HDAC9: variants seen among roughly 807,000 people sequenced by gnomAD.
The protein encoded by HDAC9 is MEF-2 interacting transcription repressor (MITR) protein.
HDAC9 carries 41 observed loss-of-function variants against 139.4 expected under a neutral mutation model. The observed-to-expected ratio is 0.29, with a 90% confidence interval of 0.23 to 0.38. The LOEUF (loss-of-function observed/expected upper bound fraction) is 0.38, where lower values mean the gene tolerates loss of function less well. HDAC9 is among the 10% of genes least tolerant of loss of function. The pLI, the probability that HDAC9 is intolerant of heterozygous loss-of-function variation, is 1.00. For synonymous variants in HDAC9, 517 were observed against 476.2 expected (o/e 1.09, Z -1.12); for missense variants, 1,147 against 1,297.0 (o/e 0.88, Z 1.78).
chr7:18,869,187 T>TGTGTGTGTGTGTGTGTGTG (rs1798724705), intron 21 of HDAC9, among the ~76,000 whole-genome samples: 3 of 136,784 alleles, frequency 2.2e-5, no homozygotes, highest in African/African-American at 8.0e-5. Context: ...TGTGTGTGTG[T>TGTGTGTGTGTGTGTGTGTG]TGCGGTAGGG....
At chr7:18,970,357 A>G (rs756806956) in intron 24 of HDAC9, among the ~76,000 whole-genome samples, 25 of 152,232 alleles carry the variant, frequency 1.6e-4, no homozygotes, top group Non-Finnish European at 2.8e-4. Context: ...AACATGAATT[A>G]TGCAATTTTT....
At chr7:18,308,311 T>A (rs755663024) in intron 1 of HDAC9, among the ~76,000 whole-genome samples, 1 of 152,234 alleles carries the variant, frequency 6.6e-6, no homozygotes, top group Non-Finnish European at 1.5e-5. Flanking sequence ...ATCACTGTTG[T>A]AGCCTTGTTT....
At chr7:18,763,464 T>C (rs922912483) in intron 15 of HDAC9, among the ~76,000 whole-genome samples, 1 of 152,130 alleles carries the variant, frequency 6.6e-6, no homozygotes, top group Non-Finnish European at 1.5e-5. Context: ...ATTGCTAATA[T>C]TTGATGATAA....
intron 21 of HDAC9, among the ~76,000 whole-genome samples, chr7:18,855,434 A>T (rs1393174199): frequency 6.6e-6 from 1 of 151,934 alleles, no homozygotes; most frequent in Non-Finnish European, 1.5e-5. Flanking sequence ...CATGGTCAGT[A>T]GCTCTATCCA....
Position 18,593,963 on chromosome 7 carries a change from C to G in HDAC9, c.598C>G (p.Pro200Ala), listed in dbSNP as rs201567405. The G allele has an allele frequency of 1.9e-6, 3 of 1,612,704 alleles. No individual in the cohort carries two copies. Among genetic ancestry groups the G allele is most frequent in the African/African-American group, 1.3e-5 (1 of 74,872 alleles). Residue 200 changes from proline to alanine, a missense_variant, in exon 6 of 26, where the codon CCA becomes GCA. By Grantham distance (27) the Pro-to-Ala change is conservative. This residue lies in a region of HDAC9 where 79 missense variants were observed against 65.8 expected (regional missense o/e 1.20). Coordinates refer to ENST00000686413, the MANE Select transcript of HDAC9 (RefSeq NM_178425.4). ...QSSPPLSGTS[P>A]SYKYTLPGAQ... ...CTCTCCACCCCTTAGTGGAACATCT[C>G]CATCCTACAAGTACACATTACCAGG...
intron 1 of HDAC9, among the ~76,000 whole-genome samples, chr7:18,416,416 C>T (rs1789071043): frequency 6.6e-6 from 1 of 151,838 alleles, no homozygotes. Context: ...TAGAGTAATA[C>T]CTCATTGGGG....
chr7:18,545,768 CAT>C (rs1814590478), intron 2 of HDAC9, among the ~76,000 whole-genome samples: 1 of 152,110 alleles, frequency 6.6e-6, no homozygotes, highest in African/African-American at 2.4e-5. Context: ...TGAAAGGGCA[CAT>C]GTGCACTGTA....
At chr7:18,953,125 A>G (rs1392244763) in intron 23 of HDAC9, among the ~76,000 whole-genome samples, 1 of 152,080 alleles carries the variant, frequency 6.6e-6, no homozygotes, top group African/African-American at 2.4e-5. Context: ...ATGAAGAGAC[A>G]TAGATGAGTT....
intron 21 of HDAC9, among the ~76,000 whole-genome samples, chr7:18,859,854 ATAT>A (rs1183898836): frequency 1.6e-5 from 2 of 121,930 alleles, no homozygotes; most frequent in East Asian, 5.7e-4. Context: ...ATATATATAT[ATAT>A]ATGTGAGAGA....
intron 21 of HDAC9, among the ~76,000 whole-genome samples, chr7:18,857,901 C>G (rs1396756221): frequency 1.3e-5 from 2 of 152,058 alleles, no homozygotes; most frequent in African/African-American, 4.8e-5. Flanking sequence ...ATATCTGCTA[C>G]TTGAAAAGAT....
intron 1 of HDAC9, among the ~76,000 whole-genome samples, chr7:18,339,561 A>G (rs11768343): frequency 0.086 from 13,093 of 151,516 alleles, 715 homozygotes; most frequent in East Asian, 0.18. Flanking sequence ...GTGTATATGT[A>G]GTTCAAAACT....
intron 2 of HDAC9, among the ~76,000 whole-genome samples, chr7:18,168,908 T>A (rs1788207447): frequency 7.7e-6 from 1 of 129,586 alleles, no homozygotes; most frequent in Non-Finnish European, 1.6e-5. Context: ...TGTGTGTGTG[T>A]GTGTGTGTGT....
intron 24 of HDAC9, among the ~76,000 whole-genome samples, chr7:18,962,473 G>T (rs1414572030): frequency 1.3e-5 from 2 of 152,076 alleles, no homozygotes; most frequent in Non-Finnish European, 2.9e-5. Context: ...GAATAAAAAA[G>T]AAAAGTCTGC....
intron 2 of HDAC9, among the ~76,000 whole-genome samples, chr7:18,512,250 A>G (rs562600810): frequency 2.6e-5 from 4 of 152,186 alleles, no homozygotes; most frequent in East Asian, 1.9e-4. Context: ...ATTTCAAGAC[A>G]TGAGCATTCA....
intron 2 of HDAC9, among the ~76,000 whole-genome samples, chr7:18,227,024 G>A (rs968981564): frequency 1.4e-4 from 22 of 152,138 alleles, no homozygotes; most frequent in Admixed American, 7.9e-4. Context: ...TTTGTGGGAG[G>A]GGACGTGTAG....
chr7:18,957,840 C>G (rs1237652745), intron 24 of HDAC9, among the ~76,000 whole-genome samples: 1 of 152,140 alleles, frequency 6.6e-6, no homozygotes, highest in Non-Finnish European at 1.5e-5. Context: ...CCTTCTAGCC[C>G]AGGTTCTGAA....
intron 16 of HDAC9, among the ~76,000 whole-genome samples, chr7:18,777,676 T>C (rs1293437759): frequency 3.3e-5 from 5 of 152,132 alleles, no homozygotes; most frequent in East Asian, 1.9e-4. Flanking sequence ...CTAAATTTTT[T>C]AGGATTATGC....
chr7:18,300,294 T>C (rs1447829291), intron 1 of HDAC9, among the ~76,000 whole-genome samples: 3 of 152,122 alleles, frequency 2.0e-5, no homozygotes, highest in Admixed American at 6.5e-5. Context: ...AGCCAAAAGA[T>C]TGGACGCTCC....
At chr7:18,463,271 T>C (rs533423597) in intron 1 of HDAC9, among the ~76,000 whole-genome samples, 30 of 152,148 alleles carry the variant, frequency 2.0e-4, no homozygotes, top group Admixed American at 3.9e-4. Context: ...TAATGAGTTA[T>C]TCAGTATTTT....
Sources: gnomAD v4.1 joint callset for allele counts (sites outside exome capture counted in the v4.1 genomes callset) on GRCh38, gnomAD v4.1.1 for gene constraint, gnomAD v4.1.1 regional missense constraint, MANE v1.5 for transcripts, NCBI Gene and HGNC (gene_info 2026-07-23, HGNC 2026-07-21) for gene names.